Variants in CSMD2 observed in about 807,000 individuals in gnomAD.
The protein encoded by CSMD2 is CUB and sushi domain-containing protein 2.
In CSMD2, 130 loss-of-function variants were observed where a neutral mutation model predicts 398.5. That is an observed-to-expected ratio of 0.33 (90% CI 0.28 to 0.38). The LOEUF is 0.38. Among genes scored for constraint, CSMD2 ranks in the 10% least tolerant of loss-of-function variants. The pLI is 1.00. For missense variants in CSMD2, 3,829 were observed against 4,764.9 expected (o/e 0.80, Z 5.78); for synonymous variants, 1,828 against 1,908.5 (o/e 0.96, Z 1.10).
At position 33,514,180 on chromosome 1, in the gene CSMD2, C is replaced by A. The variant is rs1653548799; in HGVS notation, c.*2444G>T. On this transcript the variant is annotated 3_prime_UTR_variant, in exon 71 of 71. Coordinates refer to ENST00000373381, the MANE Select transcript of CSMD2 (RefSeq NM_001281956.2). ...AGGTGTGTAGATTACATATTTACAG[C>A]ACTTGATGTTTTCTGAAAACCATAT... 1 of 151,938 alleles carries A rather than the reference C, an allele frequency of 6.6e-6. No homozygotes were observed. The highest frequency in any genetic ancestry group is 2.1e-4 in the South Asian group (1 of 4,788). 9.4% of individuals were successfully genotyped at this position (151,938 alleles called of 1,614,324 possible). A position where few individuals can be genotyped will look rare whatever the true frequency, so the allele number is the denominator to read the frequency against.
At chr1:34,056,599 A>G (rs985507224) in intron 2 of CSMD2, among the ~76,000 whole-genome samples, 1 of 152,224 alleles carries the variant, frequency 6.6e-6, no homozygotes, top group African/African-American at 2.4e-5. Flanking sequence ...TCTACCTTAC[A>G]GAGTGTTGAG....
At position 33,692,817 on chromosome 1, in the gene CSMD2, G is replaced by C. The variant is rs190010909; in HGVS notation, c.4052+113C>G. On this transcript the variant is annotated intron_variant, in intron 25 of 70. Coordinates refer to ENST00000373381, the MANE Select transcript of CSMD2 (RefSeq NM_001281956.2). ...TATAGCAACCACTATTGATCACAAG[G>C]TTCTCCAGGTGAGGCAGGCAGGCCA... The C allele has an allele frequency of 1.3e-5, 17 of 1,333,172 alleles. No individual in the cohort carries two copies. The African/African-American group carries it at 2.2e-4, about 17-fold the overall frequency. The allele number at this position is 1,333,172 out of a possible 1,614,324, so 82.6% of individuals were successfully genotyped here. A position where few individuals can be genotyped will look rare whatever the true frequency, so the allele number is the denominator to read the frequency against.
chr1:33,864,491 C>T, intron 5 of CSMD2: 7 of 1,613,670 alleles, frequency 4.3e-6, no homozygotes, highest in Non-Finnish European at 5.9e-6. Flanking sequence ...CATCATCCTT[C>T]CTACTCTTCT....
chr1:34,140,408 G>A (rs1395636735), intron 1 of CSMD2, among the ~76,000 whole-genome samples: 2 of 151,742 alleles, frequency 1.3e-5, no homozygotes, highest in African/African-American at 2.4e-5. Context: ...CAAAGGCACC[G>A]CCACTTGCAA....
chr1:33,680,442 C>T (rs1644869533), intron 25 of CSMD2, among the ~76,000 whole-genome samples: 1 of 152,102 alleles, frequency 6.6e-6, no homozygotes, highest in African/African-American at 2.4e-5. Flanking sequence ...TTTCCCTGTG[C>T]ACCGTCGTCT....
chr1:33,580,996 A>G, intron 47 of CSMD2, 97 bp from the exon 48 acceptor site: 1 of 1,210,714 alleles, frequency 8.3e-7, no homozygotes, highest in East Asian at 2.5e-5. Flanking sequence ...TGACTTGTTC[A>G]GAGTCAGCAA....
intron 4 of CSMD2, among the ~76,000 whole-genome samples, chr1:33,935,027 AAAAG>A (rs1644430376): frequency 6.6e-6 from 1 of 151,054 alleles, no homozygotes; most frequent in Non-Finnish European, 1.5e-5. Flanking sequence ...AAAAAAAAAA[AAAAG>A]AAAAAAGAAA....
intron 2 of CSMD2, among the ~76,000 whole-genome samples, chr1:34,042,698 GC>G (rs968592932): frequency 2.0e-5 from 3 of 152,166 alleles, no homozygotes; most frequent in African/African-American, 7.2e-5. Flanking sequence ...GGGTGACGTG[GC>G]CCGAGGCTTT....
chr1:33,732,571 GCC>G (rs1646755533), intron 15 of CSMD2, among the ~76,000 whole-genome samples: 1 of 152,202 alleles, frequency 6.6e-6, no homozygotes, highest in Non-Finnish European at 1.5e-5. Flanking sequence ...GGAGAAACCA[GCC>G]CTGCCAGTAC....
At chr1:33,564,095 CACACA>C (rs1658828497) in intron 53 of CSMD2, among the ~76,000 whole-genome samples, 1 of 149,304 alleles carries the variant, frequency 6.7e-6, no homozygotes, top group Admixed American at 6.8e-5. Flanking sequence ...TCATCATCAT[CACACA>C]ACAGCAGCAG....
At chr1:33,524,092 T>C (rs1351344737) in intron 66 of CSMD2, among the ~76,000 whole-genome samples, 3 of 152,248 alleles carry the variant, frequency 2.0e-5, no homozygotes, top group East Asian at 3.8e-4. Context: ...ATTCCTGTTT[T>C]CTTTCTTATG....
At chr1:33,620,539 C>T (rs747311817) in intron 37 of CSMD2, among the ~76,000 whole-genome samples, 1 of 151,928 alleles carries the variant, frequency 6.6e-6, no homozygotes, top group Admixed American at 6.6e-5. Flanking sequence ...AGTAGAATGG[C>T]AAAGTGATTT....
At chr1:33,542,633 C>T in intron 58 of CSMD2, 87 bp downstream of exon 58, 1 of 1,244,282 alleles carries the variant, frequency 8.0e-7, no homozygotes, top group South Asian at 1.5e-5. Context: ...AACCATTCTG[C>T]ACCATCTTCC....
chr1:33,810,426 G>C (rs1279740296), intron 10 of CSMD2, among the ~76,000 whole-genome samples: 1 of 152,154 alleles, frequency 6.6e-6, no homozygotes, highest in East Asian at 1.9e-4. Flanking sequence ...ACACACAATT[G>C]AGGTAATGGT....
chr1:33,819,597 G>C (rs542088370), intron 9 of CSMD2, 116 bp downstream of exon 9: 41 of 852,444 alleles, frequency 4.8e-5, no homozygotes, highest in African/African-American at 1.5e-4. Flanking sequence ...AGGGAGTGAG[G>C]GGGGAGGGGA....
At chr1:33,578,229 C>G (rs1638433104) in intron 48 of CSMD2, among the ~76,000 whole-genome samples, 1 of 152,180 alleles carries the variant, frequency 6.6e-6, no homozygotes. Flanking sequence ...AAATAGACAT[C>G]AAGTATCTAT....
At chr1:33,971,950 T>C (rs953285752) in intron 3 of CSMD2, among the ~76,000 whole-genome samples, 4 of 152,098 alleles carry the variant, frequency 2.6e-5, no homozygotes, top group African/African-American at 9.7e-5. Flanking sequence ...AGGAGACAAA[T>C]ACTTATAATA....
chr1:34,127,833 T>C (rs1416270641), intron 1 of CSMD2, among the ~76,000 whole-genome samples: 2 of 151,512 alleles, frequency 1.3e-5, no homozygotes, highest in Admixed American at 1.3e-4. Flanking sequence ...AGTGGGACAG[T>C]GGTTCAAGGG....
chr1:34,136,146 T>G (rs1638732527), intron 1 of CSMD2, among the ~76,000 whole-genome samples: 1 of 152,216 alleles, frequency 6.6e-6, no homozygotes, highest in Admixed American at 6.5e-5. Context: ...AGAGATCTGG[T>G]CTATACTTTA....
Sources: gnomAD v4.1 joint callset for allele counts (sites outside exome capture counted in the v4.1 genomes callset) on GRCh38, gnomAD v4.1.1 for gene constraint, MANE v1.5 for transcripts, NCBI Gene and HGNC (gene_info 2026-07-23, HGNC 2026-07-21) for gene names.